GRM4: variants seen among roughly 807,000 people sequenced by gnomAD.
GRM4 encodes metabotropic glutamate receptor 4.
In GRM4, 28 loss-of-function variants were observed where a neutral mutation model predicts 81.7. That is an observed-to-expected ratio of 0.34 (90% CI 0.25 to 0.47). GRM4 has a LOEUF of 0.47. Ranked by LOEUF, GRM4 falls within the 20% of genes least tolerant of loss-of-function variation. The probability of loss-of-function intolerance (pLI) is 1.00; values close to 1 mark genes in which losing one functional copy is unlikely to be tolerated. For synonymous variants in GRM4, 488 were observed against 528.8 expected (o/e 0.92, Z 1.06); for missense variants, 948 against 1,290.0 (o/e 0.73, Z 4.06).
At chr6:34,147,132 T>TA (rs1770953344), upstream of GRM4, among the ~76,000 whole-genome samples, 1 of 152,226 alleles carries the variant, frequency 6.6e-6, no homozygotes, top group Admixed American at 6.5e-5. Context: ...ATGACCCAAA[T>TA]ACATGTCTCA....
At chr6:34,107,858 C>T (rs532240407) in intron 2 of GRM4, among the ~76,000 whole-genome samples, 2 of 152,286 alleles carry the variant, frequency 1.3e-5, no homozygotes, top group Admixed American at 6.5e-5. Flanking sequence ...AGAAATACAA[C>T]CCTCCCTCAA....
chr6:34,064,836 C>T lies in GRM4; in HGVS notation c.737-2808G>A, dbSNP rs10947475. ...GAGGCCCAGTCTCAATGAATCCTTA[C>T]ACATTAGCCGGTGCTAATATCCCCA... On this transcript the variant is annotated intron_variant, in intron 3 of 10. Coordinates refer to ENST00000538487, the MANE Select transcript of GRM4 (RefSeq NM_000841.4). The surrounding 1 kb of genome is among the most constrained non-coding windows in gnomAD (Gnocchi z 4.4). 0.31 allele frequency among the ~76,000 whole-genome samples: 46,766 copies of T among 152,052 alleles called. 8,456 individuals are homozygous for T. The highest frequency in any genetic ancestry group is 0.41 in the Non-Finnish European group (27,765 of 67,926).
chr6:34,132,940 G>A (rs1164666678), intron 2 of GRM4, 38 bp downstream of exon 2: 2 of 1,530,800 alleles, frequency 1.3e-6, no homozygotes, highest in Non-Finnish European at 1.8e-6. Flanking sequence ...GAGTCCGTTG[G>A]GGGAAGAGCA....
chr6:34,040,855 C>T (rs1271225801), intron 6 of GRM4, 107 bp from the exon 7 acceptor site: 5 of 886,638 alleles, frequency 5.6e-6, no homozygotes, highest in Non-Finnish European at 7.2e-6. Flanking sequence ...TGGCACGGCC[C>T]ATCTGTGCAT....
rs1006469085 is a variant in GRM4, at chr6:34,115,405, C to T, written c.519+17573G>A. ...AATTAAAATATCACGGCACCCGCAC[C>T]GTCTGCCCGGCCACATGCCCAACTC... On this transcript the variant is annotated intron_variant, in intron 2 of 10. Transcript: ENST00000538487. The surrounding 1 kb of genome is among the most constrained non-coding windows in gnomAD (Gnocchi z 4.1). Among the ~76,000 whole-genome samples the T allele has an allele frequency of 6.6e-6, 1 of 152,196 alleles. No homozygotes were observed. Among genetic ancestry groups the T allele is most frequent in the Non-Finnish European group, 1.5e-5 (1 of 68,034 alleles).
At chr6:34,060,218 C>T (rs1766110409) in intron 4 of GRM4, 2 of 152,222 alleles carry the variant, frequency 1.3e-5, no homozygotes, top group Admixed American at 1.3e-4. Context: ...CTGAGGCTTT[C>T]CAGCTCTGCT....
Position 34,035,537 on chromosome 6 carries a change from A to T in GRM4, c.2442+131T>A, listed in dbSNP as rs34906910. Reference sequence around the variant, plus strand: ...GCATGAAAGAAGGCAGAATGAGGCAAGAAAGAAGGCAGAATGAGGCATGAA... The same window carrying T: ...GCATGAAAGAAGGCAGAATGAGGCATGAAAGAAGGCAGAATGAGGCATGAA... On this transcript the variant is annotated intron_variant, in intron 9 of 10. Transcript: ENST00000538487. The surrounding 1 kb of genome is among the most constrained non-coding windows in gnomAD (Gnocchi z 6.6). 141,035 of 577,086 alleles carry T rather than the reference A, an allele frequency of 0.24. 23,972 individuals are homozygous for T. Among genetic ancestry groups the T allele is most frequent in the African/African-American group, 0.64 (31,599 of 49,590 alleles). The allele number at this position is 577,086 out of a possible 1,614,324, so 35.7% of individuals were successfully genotyped here.
intron 6 of GRM4, among the ~76,000 whole-genome samples, chr6:34,050,180 T>C (rs1765545259): frequency 6.6e-6 from 1 of 152,186 alleles, no homozygotes; most frequent in East Asian, 1.9e-4. Context: ...CCCCAGGGCC[T>C]TTGCACTTGC....
chr6:34,026,839 G>T (rs1764156866), intron 10 of GRM4, among the ~76,000 whole-genome samples: 1 of 152,214 alleles, frequency 6.6e-6, no homozygotes, highest in Admixed American at 6.5e-5. Context: ...GGAGCACTGG[G>T]GAAAAGCATA....
In GRM4 at chr6:34,040,563, T is replaced by A; in HGVS notation, c.1354A>T (p.Asn452Tyr). ...DGTQLLKYIR[N>Y]VNFSGIAGNP... is the part of the protein sequence containing the mutation. The stretch of plus-strand genomic sequence containing the variant: ...ACACCCCCACCTGAGAAGTTGACGT[T>A]TCGGATGTACTTAAGCAGCTGGGTG... The change falls in exon 7 of 11, where the codon AAC becomes TAC. Residue 452 changes from asparagine (N) to tyrosine (Y), a missense_variant. Coordinates refer to ENST00000538487, the MANE Select transcript of GRM4 (RefSeq NM_000841.4). 6.2e-7 allele frequency: 1 copy of A among 1,613,450 alleles called. No homozygotes were observed.
At chr6:34,073,244 ACACACATCACCACATAGATAC>A (rs1767102120) in intron 3 of GRM4, among the ~76,000 whole-genome samples, 1 of 594 alleles carries the variant, frequency 1.7e-3, no homozygotes, top group Non-Finnish European at 5.7e-3. Flanking sequence ...CATGCCACAC[ACACACATCACCACATAGATAC>A]CACGTCACCA....
chr6:34,124,141 A>T (rs1769925210), intron 2 of GRM4, among the ~76,000 whole-genome samples: 1 of 152,164 alleles, frequency 6.6e-6, no homozygotes, highest in Non-Finnish European at 1.5e-5. Context: ...CAGCAAGAAG[A>T]TCAGGAGGGG....
chr6:34,108,583 A>G (rs1769231455), intron 2 of GRM4, among the ~76,000 whole-genome samples: 1 of 152,120 alleles, frequency 6.6e-6, no homozygotes, highest in Admixed American at 6.5e-5. Context: ...GCCTCCTATG[A>G]TCCTCAGCCC....
At chr6:34,145,820 G>A (rs1770907624) in intron 1 of GRM4, among the ~76,000 whole-genome samples, 180 bp downstream of exon 1, 1 of 152,146 alleles carries the variant, frequency 6.6e-6, no homozygotes, top group Non-Finnish European at 1.5e-5. Context: ...TAAAGAGAGA[G>A]CACCTGGAGC....
chr6:34,073,321 C>CCACA, intron 3 of GRM4, among the ~76,000 whole-genome samples: 1 of 62,040 alleles, frequency 1.6e-5, no homozygotes, highest in East Asian at 4.5e-4. Context: ...CAGATACACA[C>CCACA]CACACACACA....
At chr6:34,060,887 G>T (rs991133396) in intron 4 of GRM4, 2 of 152,364 alleles carry the variant, frequency 1.3e-5, no homozygotes, top group Non-Finnish European at 2.9e-5. Flanking sequence ...ATTGCAGTTT[G>T]TCCTTTTGGC....
At position 34,034,956 on chromosome 6, in the gene GRM4, A is replaced by C. The variant is rs564719072; in HGVS notation, c.2442+712T>G. 6.6e-6 allele frequency among the ~76,000 whole-genome samples: 1 copy of C among 152,302 alleles called. No homozygotes were observed. Among genetic ancestry groups the C allele is most frequent in the East Asian group, 1.9e-4 (1 of 5,180 alleles). On this transcript the variant is annotated intron_variant, in intron 9 of 10. Coordinates refer to ENST00000538487, the MANE Select transcript of GRM4 (RefSeq NM_000841.4). The surrounding 1 kb of genome is among the most constrained non-coding windows in gnomAD (Gnocchi z 4.0). ...TGTGCCCAGGTCCTCGGACCAAGCC[A>C]ACAGGAGGCAGAGGTAGCCACTCTG...
In GRM4 at chr6:34,111,899, T is replaced by A. The variant is rs1769398178; in HGVS notation, c.520-19800A>T. Among the ~76,000 whole-genome samples, 1 of 152,178 alleles carries A rather than the reference T, an allele frequency of 6.6e-6. No homozygotes were observed. Among genetic ancestry groups the A allele is most frequent in the African/African-American group, 2.4e-5 (1 of 41,448 alleles). On this transcript the variant is annotated intron_variant, in intron 2 of 10. Coordinates refer to ENST00000538487, the MANE Select transcript of GRM4 (RefSeq NM_000841.4). The surrounding 1 kb of genome is among the most constrained non-coding windows in gnomAD (Gnocchi z 5.1). Reference sequence around the variant, plus strand: ...TGGCCAGACCAGACGCACCCCCACCTGTTCCATTTCCTGATTGTCCAGATC... The same window carrying A: ...TGGCCAGACCAGACGCACCCCCACCAGTTCCATTTCCTGATTGTCCAGATC...
In GRM4 at chr6:34,042,634, G is replaced by A. The variant is rs988390331; in HGVS notation, c.1169-1886C>T. On this transcript the variant is annotated intron_variant, in intron 6 of 10. Transcript: ENST00000538487. The surrounding 1 kb of genome is among the most constrained non-coding windows in gnomAD (Gnocchi z 4.2). ...AGGGCACATGCCACACTGCACAGAG[G>A]CAATTCCCCAGAGGGCAGCAGGGTG... is the stretch of plus-strand genomic sequence containing the variant. 3.3e-5 allele frequency among the ~76,000 whole-genome samples: 5 copies of A among 152,206 alleles called. No homozygotes were observed. Among genetic ancestry groups the A allele is most frequent in the Non-Finnish European group, 7.3e-5 (5 of 68,032 alleles).
Sources: gnomAD v4.1 joint callset for allele counts (sites outside exome capture counted in the v4.1 genomes callset) on GRCh38, gnomAD v4.1.1 for gene constraint, Gnocchi (gnomAD v3.1) non-coding constraint, MANE v1.5 for transcripts, NCBI Gene and HGNC (gene_info 2026-07-23, HGNC 2026-07-21) for gene names.